The following GRIN1 variants were observed in gnomAD, a reference collection of about 807,000 sequenced individuals.
The protein encoded by GRIN1 is glutamate ionotropic receptor NMDA type subunit 1.
A neutral mutation model predicts 103.0 loss-of-function variants in GRIN1; 38 were observed. The observed-to-expected ratio is 0.37, with a 90% confidence interval of 0.28 to 0.48. The LOEUF is 0.48. Among genes scored for constraint, GRIN1 ranks in the 20% least tolerant of loss-of-function variants. The probability of loss-of-function intolerance (pLI) is 0.98; values close to 1 mark genes in which losing one functional copy is unlikely to be tolerated. For missense variants in GRIN1, 577 were observed against 1,288.9 expected (o/e 0.45, Z 8.46); for synonymous variants, 544 against 532.7 (o/e 1.02, Z -0.29).
At chr9:137,166,767 C>T (rs555014707) in intron 19 of GRIN1, among the ~76,000 whole-genome samples, 8 of 152,360 alleles carry the variant, frequency 5.3e-5, no homozygotes, top group Admixed American at 2.0e-4. Flanking sequence ...CTGCGGAAAG[C>T]GGGCAGAGCT....
chr9:137,163,045 G>C (rs1329291002), intron 15 of GRIN1, 42 bp downstream of exon 15: 1 of 1,557,892 alleles, frequency 6.4e-7, no homozygotes, highest in Non-Finnish European at 8.7e-7. Flanking sequence ...GGACAGGTGC[G>C]GGGAGGGGGA....
chr9:137,163,207 A>C lies in GRIN1; in HGVS notation c.2210A>C (p.Glu737Ala). The part of the protein sequence containing the change: ...HAFIWDSAVL[E>A]FEASQKCDLV... ...TTCATCTGGGACTCGGCGGTGCTGGAGTTCGAGGCCTCGCAGAAGTGCGAC... is the reference window on the plus strand; with the variant it reads ...TTCATCTGGGACTCGGCGGTGCTGGCGTTCGAGGCCTCGCAGAAGTGCGAC... The change falls in exon 16 of 20, where the codon GAG becomes GCG. Residue 737 changes from glutamate to alanine, a missense_variant. Glu to Ala is a moderately radical substitution (Grantham distance 107). Around this residue, in one of 9 missense-constraint regions of GRIN1, gnomAD observed 59 missense variants for 161.3 expected, o/e 0.37. Transcript: ENST00000371561. 1 of 1,613,556 alleles carries C rather than the reference A, an allele frequency of 6.2e-7. No homozygotes were observed. The highest frequency in any genetic ancestry group is 8.5e-7 in the Non-Finnish European group (1 of 1,179,924).
intron 16 of GRIN1, 47 bp from the exon 17 acceptor site, chr9:137,163,512 C>A (rs201072862): frequency 1.6e-5 from 23 of 1,446,748 alleles, no homozygotes; most frequent in South Asian, 2.3e-5. Context: ...TGCTCCTTCC[C>A]GTCCTGGGCC....
At position 137,158,371 on chromosome 9, in the gene GRIN1, T is replaced by C. The variant is rs1234529108; in HGVS notation, c.969-8T>C. On this transcript the variant is annotated splice_region_variant and splice_polypyrimidine_tract_variant and intron_variant, in intron 6 of 19. Transcript: ENST00000371561. ...TCTGAGAAGCCTCAGCTATGCTTCC[T>C]TCCCTAGAGTGCTGATGTCTTCCAA... 1 of 1,613,210 alleles carries C rather than the reference T, an allele frequency of 6.2e-7. No homozygotes were observed. Among genetic ancestry groups the C allele is most frequent in the African/African-American group, 1.3e-5 (1 of 74,918 alleles).
chr9:137,160,777 G>T (rs540073564), intron 8 of GRIN1, among the ~76,000 whole-genome samples: 10 of 152,294 alleles, frequency 6.6e-5, no homozygotes, highest in African/African-American at 2.2e-4. Flanking sequence ...CCAAGAGAAG[G>T]GTCCAGCTCT....
intron 8 of GRIN1, among the ~76,000 whole-genome samples, chr9:137,160,262 T>A (rs1425279569): frequency 6.6e-6 from 1 of 152,154 alleles, no homozygotes; most frequent in African/African-American, 2.4e-5. Context: ...CACGGGTGGG[T>A]GGCCCCACGG....
intron 2 of GRIN1, among the ~76,000 whole-genome samples, chr9:137,144,261 G>T (rs1832333604): frequency 6.6e-6 from 1 of 152,116 alleles, no homozygotes. Flanking sequence ...TATGTGGGAG[G>T]AGAGGCCGGG....
At chr9:137,154,540 G>A (rs71508896) in intron 4 of GRIN1, among the ~76,000 whole-genome samples, 2 of 130,056 alleles carry the variant, frequency 1.5e-5, no homozygotes, top group African/African-American at 2.9e-5. Flanking sequence ...TGCAACCTCC[G>A]CCTCCCAGAT....
At chr9:137,157,112 G>A (rs1833275142) in intron 6 of GRIN1, 75 bp downstream of exon 6, 1 of 1,290,704 alleles carries the variant, frequency 7.7e-7, no homozygotes, top group Non-Finnish European at 1.1e-6. Context: ...AGATGGGCGG[G>A]GCCGCTCTTG....
At chr9:137,153,929 A>G (rs1833059366) in intron 4 of GRIN1, among the ~76,000 whole-genome samples, 2 of 151,960 alleles carry the variant, frequency 1.3e-5, no homozygotes, top group South Asian at 4.1e-4. Context: ...CTCCTGCCTC[A>G]GCCTCCTGAG....
intron 8 of GRIN1, among the ~76,000 whole-genome samples, chr9:137,160,310 G>A (rs1833461054): frequency 6.6e-6 from 1 of 152,208 alleles, no homozygotes; most frequent in South Asian, 2.1e-4. Flanking sequence ...CGGCTTTGTG[G>A]ACATGCCCCT....
intron 4 of GRIN1, among the ~76,000 whole-genome samples, chr9:137,152,643 G>A (rs536601296): frequency 3.5e-4 from 53 of 152,202 alleles, no homozygotes; most frequent in Admixed American, 1.2e-3. Context: ...GGTTGACCCC[G>A]CGTTGCCAGC....
At position 137,168,057 on chromosome 9, in the gene GRIN1, C is replaced by A. The variant is rs1021561805; in HGVS notation, c.*530C>A. 1 of 606,876 alleles carries A rather than the reference C, an allele frequency of 1.6e-6. No individual in the cohort carries two copies. The highest frequency in any genetic ancestry group is 2.9e-6 in the Non-Finnish European group (1 of 341,820). 37.6% of individuals were successfully genotyped at this position (606,876 alleles called of 1,614,324 possible). ...TGAGGACGGGGCAGAGCTGAGTCGG[C>A]TGGGCAGGGCCGCAGGGCGCTCCGG... On this transcript the variant is annotated 3_prime_UTR_variant, in exon 20 of 20. Coordinates refer to ENST00000371561, the MANE Select transcript of GRIN1 (RefSeq NM_007327.4).
At chr9:137,160,818 AC>A (rs571318041) in intron 8 of GRIN1, among the ~76,000 whole-genome samples, 1 of 151,192 alleles carries the variant, frequency 6.6e-6, no homozygotes, top group Non-Finnish European at 1.5e-5. Flanking sequence ...CCCAGCCCCC[AC>A]CCCCCCGGGG....
chr9:137,162,119 C>CGGGGGGGGGGGGGGGGGGGGGGGGGG, intron 11 of GRIN1, 31 bp downstream of exon 11: 1 of 468,188 alleles, frequency 2.1e-6, no homozygotes, highest in Non-Finnish European at 3.5e-6. Context: ...GGGGTGGCGG[C>CGGGGGGGGGGGGGGGGGGGGGGGGGG]GGGGGGAGTC....
chr9:137,157,532 G>A (rs1246161551), intron 6 of GRIN1, among the ~76,000 whole-genome samples: 3 of 152,200 alleles, frequency 2.0e-5, no homozygotes, highest in South Asian at 2.1e-4. Context: ...TTTGGGAGGA[G>A]GCTCTTGATG....
chr9:137,151,457 A>C (rs1832908971), intron 4 of GRIN1, among the ~76,000 whole-genome samples: 1 of 141,434 alleles, frequency 7.1e-6, no homozygotes. Flanking sequence ...AGCCCAACCC[A>C]GAAGAAAGCC....
chr9:137,149,737 G>A (rs1832734769), intron 4 of GRIN1, among the ~76,000 whole-genome samples: 1 of 152,206 alleles, frequency 6.6e-6, no homozygotes, highest in South Asian at 2.1e-4. Context: ...AAAAGCAAGA[G>A]TGGGGAAGGG....
At position 137,149,225 on chromosome 9, in the gene GRIN1, A is replaced by G. The variant is rs1337798064; in HGVS notation, c.671+116A>G. On this transcript the variant is annotated intron_variant, in intron 4 of 19. Transcript: ENST00000371561. ...CACAGTGACCTTCAGCTTCCAAAGC[A>G]CCTTCACCAAGGACAGCCACCCCCA... 4 of 774,416 alleles carry G rather than the reference A, an allele frequency of 5.2e-6. No individual in the cohort carries two copies. The African/African-American group carries it at 6.8e-5, about 13-fold the overall frequency. The allele number at this position is 774,416 out of a possible 1,614,324, so 48.0% of individuals were successfully genotyped here. A position where few individuals can be genotyped will look rare whatever the true frequency, so the allele number is the denominator to read the frequency against.
Sources: gnomAD v4.1 joint callset for allele counts (sites outside exome capture counted in the v4.1 genomes callset) on GRCh38, gnomAD v4.1.1 for gene constraint, gnomAD v4.1.1 regional missense constraint, MANE v1.5 for transcripts, NCBI Gene and HGNC (gene_info 2026-07-23, HGNC 2026-07-21) for gene names.